The following MTHFD1L variants were observed in gnomAD, a reference collection of about 807,000 sequenced individuals.
MTHFD1L encodes monofunctional C1-tetrahydrofolate synthase, mitochondrial.
Under a neutral mutation model 119.5 loss-of-function variants are expected in MTHFD1L, and 81 were observed. The observed-to-expected ratio is 0.68, with a 90% confidence interval of 0.57 to 0.82. MTHFD1L has a LOEUF of 0.82. Ranked by LOEUF, MTHFD1L falls within the 40% of genes least tolerant of loss-of-function variation. The pLI is 0.00. For synonymous variants in MTHFD1L, 430 were observed against 475.2 expected, an observed-to-expected ratio of 0.90 and a Z score of 1.24; for missense variants, 1,125 against 1,253.4, an observed-to-expected ratio of 0.90 and a Z score of 1.55.
chr6:150,906,688 G>T (rs1337906358), intron 8 of MTHFD1L, among the ~76,000 whole-genome samples: 3 of 152,212 alleles, frequency 2.0e-5, no homozygotes, highest in Non-Finnish European at 4.4e-5. Flanking sequence ...ATGCACCAAG[G>T]TTGGCAGCCT....
At chr6:151,053,065 A>G (rs963347994) in intron 26 of MTHFD1L, among the ~76,000 whole-genome samples, 3 of 152,248 alleles carry the variant, frequency 2.0e-5, no homozygotes, top group African/African-American at 7.2e-5. Flanking sequence ...TGGAAACTAT[A>G]TTACACAGAT....
rs758079808 is a variant in MTHFD1L, at chr6:151,039,821, A to G, written c.2847+2704A>G. Among the ~76,000 whole-genome samples, 16 of 152,134 alleles carry G rather than the reference A, an allele frequency of 1.1e-4. No homozygotes were observed. Among genetic ancestry groups the G allele is most frequent in the Non-Finnish European group, 1.8e-4 (12 of 68,024 alleles). On this transcript the variant is annotated intron_variant, in intron 26 of 27. Transcript: ENST00000367321. The surrounding 1 kb of genome is among the most constrained non-coding windows in gnomAD (Gnocchi z 4.4). ...TCCCAGCTGCTCAGGAGGCTGAGGC[A>G]GGAGAATCGCTTGAACCCGGGAGGC...
intron 26 of MTHFD1L, among the ~76,000 whole-genome samples, chr6:151,089,117 C>A (rs896421224): frequency 6.6e-5 from 10 of 152,184 alleles, no homozygotes; most frequent in African/African-American, 2.2e-4. Flanking sequence ...GTCACAGTCT[C>A]AGAAGCAGCA....
chr6:150,874,994 C>T (rs936177769), intron 1 of MTHFD1L, among the ~76,000 whole-genome samples: 3 of 151,904 alleles, frequency 2.0e-5, no homozygotes, highest in Admixed American at 6.6e-5. Flanking sequence ...GTGATCCACC[C>T]GCCTCAGCTT....
At chr6:150,872,854 G>T (rs867370976) in intron 1 of MTHFD1L, among the ~76,000 whole-genome samples, 4 of 150,420 alleles carry the variant, frequency 2.7e-5, no homozygotes, top group South Asian at 4.2e-4. Context: ...TAGAGACCAG[G>T]TCTTGCTATC....
At chr6:150,982,735 T>C (rs188113853) in intron 20 of MTHFD1L, among the ~76,000 whole-genome samples, 19 of 152,108 alleles carry the variant, frequency 1.2e-4, no homozygotes, top group African/African-American at 4.6e-4. Flanking sequence ...AGTCTCTCTC[T>C]GTTGCCCAGG....
chr6:150,954,646 G>A (rs1795348223), intron 16 of MTHFD1L, among the ~76,000 whole-genome samples: 1 of 151,644 alleles, frequency 6.6e-6, no homozygotes, highest in African/African-American at 2.4e-5. Flanking sequence ...CCAAGATCAC[G>A]CCACTGCACT....
rs780039204 is a variant in MTHFD1L, at chr6:151,015,649, G to T, written c.2542G>T (p.Ala848Ser). ...SVDLARAVRE[A>S]ASKRSRFQFL... Reference sequence around the variant, plus strand: ...GGACTTGGCTCGGGCTGTGAGAGAGGCTGCGAGTAAAAGAAGCCGATTCCA... The same window carrying T: ...GGACTTGGCTCGGGCTGTGAGAGAGTCTGCGAGTAAAAGAAGCCGATTCCA... The change falls in exon 24 of 28, where the codon GCT (alanine) becomes TCT (serine). Residue 848 changes from alanine to serine, a missense_variant. Physicochemically the swap from Ala to Ser is moderately conservative, Grantham distance 99. This residue lies in a region of MTHFD1L where 1,058 missense variants were observed against 1,151.2 expected (regional missense o/e 0.92). Coordinates refer to ENST00000367321, the MANE Select transcript of MTHFD1L (RefSeq NM_015440.5). 2 of 1,614,136 alleles carry T rather than the reference G, an allele frequency of 1.2e-6. No homozygotes were observed. The highest frequency in any genetic ancestry group is 4.5e-5 in the East Asian group (2 of 44,872).
intron 26 of MTHFD1L, among the ~76,000 whole-genome samples, chr6:151,041,078 A>G (rs1169253502): frequency 6.6e-6 from 1 of 151,914 alleles, no homozygotes; most frequent in African/African-American, 2.4e-5. Context: ...GCGTCAGTGC[A>G]CAGTGATGAA....
At chr6:150,956,221 A>G (rs1486339622) in intron 17 of MTHFD1L, 150 bp downstream of exon 17, 1 of 662,730 alleles carries the variant, frequency 1.5e-6, no homozygotes, top group Non-Finnish European at 2.6e-6. Context: ...GGGCTGGGAG[A>G]GGATCAGAAG....
At chr6:151,078,211 G>A (rs1022025069) in intron 26 of MTHFD1L, among the ~76,000 whole-genome samples, 12 of 151,914 alleles carry the variant, frequency 7.9e-5, no homozygotes, top group Non-Finnish European at 1.6e-4. Context: ...ACTCAAATGA[G>A]CAAGCAGAGG....
intron 21 of MTHFD1L, among the ~76,000 whole-genome samples, chr6:151,012,030 A>AC (rs1562535643): frequency 7.3e-6 from 1 of 136,524 alleles, no homozygotes; most frequent in African/African-American, 2.9e-5. Flanking sequence ...AAAAAAAAAA[A>AC]AAAAAAAAAA....
rs1472077823 is a variant in MTHFD1L, at chr6:150,960,360, G to A, written c.1889G>A (p.Gly630Glu). The A allele has an allele frequency of 5.6e-6, 9 of 1,614,036 alleles. No homozygotes were observed. The East Asian group carries it at 2.0e-4, about 36-fold the overall frequency. Reference sequence around the variant, plus strand: ...CTCGCAGACATGAAGGCACGGCTGGGAAGGATGGTGGTGGCCAGTGACAAA... The same window carrying A: ...CTCGCAGACATGAAGGCACGGCTGGAAAGGATGGTGGTGGCCAGTGACAAA... ...DSLADMKARL[G>E]RMVVASDKSG... The change falls in exon 18 of 28, where the codon GGA (glycine) becomes GAA (glutamate). Residue 630 changes from glycine to glutamate, a missense_variant. This residue lies in a region of MTHFD1L where 1,058 missense variants were observed against 1,151.2 expected (regional missense o/e 0.92). Transcript: ENST00000367321.
intron 26 of MTHFD1L, among the ~76,000 whole-genome samples, chr6:151,082,599 A>G (rs1372946286): frequency 6.6e-6 from 1 of 152,050 alleles, no homozygotes; most frequent in Non-Finnish European, 1.5e-5. Context: ...GGTTTAAGCT[A>G]TCTTTTCCTA....
At chr6:150,924,184 CTG>C (rs1789525834) in intron 10 of MTHFD1L, among the ~76,000 whole-genome samples, 1 of 152,182 alleles carries the variant, frequency 6.6e-6, no homozygotes, top group South Asian at 2.1e-4. Flanking sequence ...GATGATGTCT[CTG>C]TGACTAGCTA....
At chr6:151,090,125 C>G (rs571354609) in intron 26 of MTHFD1L, among the ~76,000 whole-genome samples, 1 of 152,178 alleles carries the variant, frequency 6.6e-6, no homozygotes, top group African/African-American at 2.4e-5. Context: ...ATGTGTTCCC[C>G]CAGCCTCCCC....
intron 26 of MTHFD1L, among the ~76,000 whole-genome samples, chr6:151,044,892 A>C (rs1202300865): frequency 1.3e-5 from 2 of 152,218 alleles, no homozygotes; most frequent in Non-Finnish European, 2.9e-5. Flanking sequence ...CCATGAAAAA[A>C]GAAAGCTGCG....
intron 8 of MTHFD1L, among the ~76,000 whole-genome samples, chr6:150,911,305 C>A (rs1249305631): frequency 6.6e-6 from 1 of 152,002 alleles, no homozygotes; most frequent in Non-Finnish European, 1.5e-5. Context: ...TTAATCATGT[C>A]TTACATTGCA....
chr6:150,990,284 A>T (rs1000238894), intron 20 of MTHFD1L, among the ~76,000 whole-genome samples: 2 of 152,032 alleles, frequency 1.3e-5, no homozygotes, highest in Non-Finnish European at 2.9e-5. Context: ...TCTCAAAAAA[A>T]AAAAAGGCTT....
Sources: allele counts gnomAD v4.1 joint callset (sites outside exome capture counted in the v4.1 genomes callset), GRCh38; gene constraint gnomAD v4.1.1; regional missense constraint gnomAD v4.1.1; non-coding constraint Gnocchi (gnomAD v3.1); transcripts MANE v1.5; gene names NCBI Gene and HGNC (gene_info 2026-07-23, HGNC 2026-07-21).